LRRTM4: variants seen among roughly 807,000 people sequenced by gnomAD.
LRRTM4 encodes leucine rich repeat transmembrane neuronal 4.
Under a neutral mutation model 47.6 loss-of-function variants are expected in LRRTM4, and 25 were observed. The observed-to-expected ratio is 0.53, with a 90% CI of 0.38 to 0.73. LRRTM4 has a LOEUF of 0.73. LRRTM4 is among the 30% of genes least tolerant of loss of function. LRRTM4 has a pLI of 0.00. For synonymous variants in LRRTM4, 311 were observed against 269.5 expected (o/e 1.15, Z -1.51); for missense variants, 638 against 713.4 (o/e 0.89, Z 1.20).
At chr2:76,891,049 T>C (rs1673236331) in intron 3 of LRRTM4, among the ~76,000 whole-genome samples, 1 of 151,498 alleles carries the variant, frequency 6.6e-6, no homozygotes, top group South Asian at 2.1e-4. Flanking sequence ...GGAATGAAAA[T>C]AGTCAGTTTA....
chr2:77,120,494 A>G (rs1327432259), intron 3 of LRRTM4, among the ~76,000 whole-genome samples: 1 of 151,910 alleles, frequency 6.6e-6, no homozygotes, highest in Non-Finnish European at 1.5e-5. Context: ...CATGAGTTCA[A>G]TAATATAAAG....
rs146367746 is a variant in LRRTM4, at chr2:76,950,214, C to A, written c.1552-201298G>T. Reference sequence around the variant, plus strand: ...CTCTGCCAGAAAACAAGAGCAACCACCAGTTCTGAAAAGTAGTCTAAATAC... The same window carrying A: ...CTCTGCCAGAAAACAAGAGCAACCAACAGTTCTGAAAAGTAGTCTAAATAC... On this transcript the variant is annotated intron_variant, in intron 3 of 3. Coordinates refer to ENST00000409884, the MANE Select transcript of LRRTM4 (RefSeq NM_001134745.3). Among the ~76,000 whole-genome samples the A allele has an allele frequency of 4.2e-4, 64 of 152,074 alleles. No individual in the cohort carries two copies. In the East Asian group the frequency reaches 0.011, roughly 27 times the overall value.
intron 3 of LRRTM4, among the ~76,000 whole-genome samples, chr2:76,833,602 T>G (rs553221340): frequency 6.6e-6 from 1 of 151,888 alleles, no homozygotes; most frequent in South Asian, 2.1e-4. Flanking sequence ...CAGTAAATAA[T>G]ATAATAATAT....
At chr2:77,215,911 T>C (rs775295526) in intron 3 of LRRTM4, among the ~76,000 whole-genome samples, 4 of 152,212 alleles carry the variant, frequency 2.6e-5, no homozygotes, top group African/African-American at 4.8e-5. Context: ...TTTAGAATCA[T>C]TATTGCTAAT....
intron 3 of LRRTM4, among the ~76,000 whole-genome samples, chr2:76,919,400 C>G (rs1489230294): frequency 6.6e-6 from 1 of 152,044 alleles, no homozygotes; most frequent in Admixed American, 6.5e-5. Context: ...CAGAATATTC[C>G]AAGAGCTCAG....
intron 3 of LRRTM4, among the ~76,000 whole-genome samples, chr2:76,814,792 GATACACACACACATACAC>G (rs749867976): frequency 7.3e-6 from 1 of 137,662 alleles, no homozygotes; most frequent in Admixed American, 7.8e-5. Context: ...ATGGCTTCAA[GATACACACACACATACAC>G]ACACACACAC....
At chr2:77,450,178 T>C (rs1676202929) in intron 3 of LRRTM4, among the ~76,000 whole-genome samples, 1 of 152,086 alleles carries the variant, frequency 6.6e-6, no homozygotes, top group South Asian at 2.1e-4. Context: ...TGATACTACC[T>C]GGTGGCTTCA....
At chr2:77,459,515 T>C (rs1200083272) in intron 3 of LRRTM4, among the ~76,000 whole-genome samples, 1 of 152,050 alleles carries the variant, frequency 6.6e-6, no homozygotes, top group Non-Finnish European at 1.5e-5. Flanking sequence ...GGAGTTGATT[T>C]TGATTATATC....
At chr2:77,397,589 GT>G (rs1008382166) in intron 3 of LRRTM4, among the ~76,000 whole-genome samples, 38 of 151,972 alleles carry the variant, frequency 2.5e-4, no homozygotes, top group African/African-American at 8.0e-4. Context: ...TCATTACAGA[GT>G]TGTGCAGAGC....
At chr2:77,487,360 C>A (rs951397775) in intron 3 of LRRTM4, among the ~76,000 whole-genome samples, 3 of 152,170 alleles carry the variant, frequency 2.0e-5, no homozygotes, top group Non-Finnish European at 4.4e-5. Context: ...GTACCCACTC[C>A]GATTTCAGAG....
At chr2:77,183,756 A>AT in intron 3 of LRRTM4, among the ~76,000 whole-genome samples, 1 of 152,322 alleles carries the variant, frequency 6.6e-6, no homozygotes, top group Admixed American at 6.5e-5. Context: ...CAGCCATAAA[A>AT]AAGCAATGAG....
chr2:77,098,922 T>A (rs1670878320), intron 3 of LRRTM4, among the ~76,000 whole-genome samples: 1 of 151,984 alleles, frequency 6.6e-6, no homozygotes, highest in Non-Finnish European at 1.5e-5. Context: ...AAAACCATGA[T>A]GAGACTCCAT....
intron 3 of LRRTM4, among the ~76,000 whole-genome samples, chr2:77,194,920 AC>A (rs1190811454): frequency 1.3e-5 from 2 of 152,090 alleles, no homozygotes; most frequent in Non-Finnish European, 2.9e-5. Context: ...GAAAAAAAAA[AC>A]AAGGAAATTT....
chr2:77,380,780 A>T (rs575404700), intron 3 of LRRTM4, among the ~76,000 whole-genome samples: 32 of 151,616 alleles, frequency 2.1e-4, no homozygotes, highest in South Asian at 4.2e-4. Context: ...TGGGTGACAG[A>T]GTGAGACTCC....
At chr2:77,437,036 T>A (rs895266071) in intron 3 of LRRTM4, among the ~76,000 whole-genome samples, 1 of 151,964 alleles carries the variant, frequency 6.6e-6, no homozygotes, top group African/African-American at 2.4e-5. Flanking sequence ...GAAAGAAAAG[T>A]ATGCTTATCT....
At chr2:76,913,133 T>C (rs1046265361) in intron 3 of LRRTM4, among the ~76,000 whole-genome samples, 1 of 152,206 alleles carries the variant, frequency 6.6e-6, no homozygotes, top group African/African-American at 2.4e-5. Flanking sequence ...ATATTGAATA[T>C]ATCTTTACAT....
At chr2:76,832,014 T>C (rs971195366) in intron 3 of LRRTM4, among the ~76,000 whole-genome samples, 4 of 152,126 alleles carry the variant, frequency 2.6e-5, no homozygotes, top group Non-Finnish European at 4.4e-5. Context: ...AAAAATATTT[T>C]ACCAATTTTT....
At chr2:76,916,932 A>C (rs775293736) in intron 3 of LRRTM4, among the ~76,000 whole-genome samples, 1 of 152,156 alleles carries the variant, frequency 6.6e-6, no homozygotes, top group Non-Finnish European at 1.5e-5. Flanking sequence ...TTCATATTTG[A>C]GTTTTCTCTC....
chr2:77,377,631 T>C (rs1486227069), intron 3 of LRRTM4, among the ~76,000 whole-genome samples: 1 of 152,048 alleles, frequency 6.6e-6, no homozygotes, highest in African/African-American at 2.4e-5. Context: ...TTGATAATAC[T>C]AATCGGGTTA....
Sources: gnomAD v4.1 joint callset for allele counts (sites outside exome capture counted in the v4.1 genomes callset) on GRCh38, gnomAD v4.1.1 for gene constraint, MANE v1.5 for transcripts, NCBI Gene and HGNC (gene_info 2026-07-23, HGNC 2026-07-21) for gene names.